The following VWA3B variants were observed in gnomAD, a reference collection of about 807,000 sequenced individuals.
VWA3B encodes the protein von Willebrand factor A domain containing 3B.
Under a neutral mutation model 158.3 loss-of-function variants are expected in VWA3B, and 138 were observed. That is an observed-to-expected ratio of 0.87 (90% CI 0.76 to 1.00). The LOEUF (loss-of-function observed/expected upper bound fraction) is 1.00, where lower values mean the gene tolerates loss of function less well. VWA3B is among the 50% of genes least tolerant of loss of function. VWA3B has a pLI of 0.00. For synonymous variants in VWA3B, 596 were observed against 587.3 expected, an observed-to-expected ratio of 1.01 and a Z score of -0.21; for missense variants, 1,555 against 1,565.1, an observed-to-expected ratio of 0.99 and a Z score of 0.11.
chr2:98,194,345 T>A lies in VWA3B; in HGVS notation c.1606-16T>A, dbSNP rs761172168. The A allele has an allele frequency of 1.2e-6, 2 of 1,611,414 alleles. No homozygotes were observed. Among genetic ancestry groups the A allele is most frequent in the Non-Finnish European group, 1.7e-6 (2 of 1,177,808 alleles). The stretch of plus-strand genomic sequence containing the variant: ...TCTGAGTGGTTTTATGGTTAAATAA[T>A]CATTGTCTCTTTTAGGAACAGCTGA... On this transcript the variant is annotated splice_polypyrimidine_tract_variant and intron_variant, in intron 11 of 27. Coordinates refer to ENST00000477737, the MANE Select transcript of VWA3B (RefSeq NM_144992.5).
intron 2 of VWA3B, among the ~76,000 whole-genome samples, chr2:98,112,462 C>T (rs1332130762): frequency 6.6e-6 from 1 of 151,686 alleles, no homozygotes; most frequent in Admixed American, 6.6e-5. Context: ...TTAAATATGT[C>T]AAGCCATTGT....
chr2:98,096,498 A>G (rs1682721217), intron 2 of VWA3B, among the ~76,000 whole-genome samples: 1 of 151,890 alleles, frequency 6.6e-6, no homozygotes, highest in Non-Finnish European at 1.5e-5. Context: ...CGAATTCCTG[A>G]CCTCAGCTGA....
chr2:98,216,970 A>G, intron 13 of VWA3B: 1 of 1,223,290 alleles, frequency 8.2e-7, no homozygotes, highest in Non-Finnish European at 1.1e-6. Context: ...TGTCATGTGT[A>G]TCATTGTAAG....
intron 12 of VWA3B, among the ~76,000 whole-genome samples, chr2:98,203,597 T>C (rs1682766140): frequency 1.3e-5 from 2 of 152,240 alleles, no homozygotes; most frequent in African/African-American, 4.8e-5. Flanking sequence ...AGGTCTTTGA[T>C]TTATTTCATC....
chr2:98,278,750 T>TG lies in VWA3B; in HGVS notation c.3045+7874dup, dbSNP rs536387074. On this transcript the variant is annotated intron_variant, in intron 22 of 27. Coordinates refer to ENST00000477737, the MANE Select transcript of VWA3B (RefSeq NM_144992.5). ...GCCTGGAGTTTTTATGGGTACAGGA[T>TG]GGGGGGGTGGTGTGGGCCAGAGTGG... Among the ~76,000 whole-genome samples, 241 of 151,850 alleles carry TG rather than the reference T, an allele frequency of 1.6e-3. 1 individual carries two copies. The highest frequency in any genetic ancestry group is 0.014 in the Middle Eastern group (4 of 294).
At chr2:98,286,167 T>C (rs1424119212) in intron 22 of VWA3B, among the ~76,000 whole-genome samples, 1 of 152,126 alleles carries the variant, frequency 6.6e-6, no homozygotes, top group African/African-American at 2.4e-5. Flanking sequence ...ATTCTAGTAG[T>C]TTTTGGGTGA....
intron 14 of VWA3B, among the ~76,000 whole-genome samples, chr2:98,220,894 C>A (rs1684435655): frequency 6.6e-6 from 1 of 152,122 alleles, no homozygotes; most frequent in Non-Finnish European, 1.5e-5. Flanking sequence ...ACCGCATGTT[C>A]TCACTTATAA....
intron 12 of VWA3B, among the ~76,000 whole-genome samples, chr2:98,210,566 A>G (rs1683425559): frequency 6.6e-6 from 1 of 152,240 alleles, no homozygotes; most frequent in African/African-American, 2.4e-5. Context: ...CTTAGGTGAG[A>G]GCAGCTGGAT....
At chr2:98,217,498 G>A (rs1014157286) in intron 13 of VWA3B, among the ~76,000 whole-genome samples, 27 of 152,150 alleles carry the variant, frequency 1.8e-4, no homozygotes, top group African/African-American at 6.5e-4. Flanking sequence ...GTTGGAAGCT[G>A]GAAATTGCTC....
chr2:98,190,941 C>T (rs1370953071), intron 10 of VWA3B, among the ~76,000 whole-genome samples: 2 of 151,434 alleles, frequency 1.3e-5, no homozygotes, highest in African/African-American at 4.8e-5. Flanking sequence ...TTTTCTGCCT[C>T]CCCCTCTCTT....
At position 98,278,242 on chromosome 2, in the gene VWA3B, G is replaced by A. The variant is rs140487751; in HGVS notation, c.3045+7359G>A. On this transcript the variant is annotated intron_variant, in intron 22 of 27. Coordinates refer to ENST00000477737, the MANE Select transcript of VWA3B (RefSeq NM_144992.5). ...CAGCCCCTCTCGGGAGAGGGAGCACGCAGGTGAGTGGGTGCAGGGGCCAAG... is the reference window on the plus strand; with the variant it reads ...CAGCCCCTCTCGGGAGAGGGAGCACACAGGTGAGTGGGTGCAGGGGCCAAG... 6.8e-3 allele frequency among the ~76,000 whole-genome samples: 1,043 copies of A among 152,292 alleles called. 10 individuals are homozygous for A. The highest frequency in any genetic ancestry group is 0.024 in the African/African-American group (989 of 41,556).
intron 12 of VWA3B, among the ~76,000 whole-genome samples, chr2:98,209,823 T>C (rs980443015): frequency 2.6e-5 from 4 of 152,370 alleles, no homozygotes. Flanking sequence ...TCGGTTATCA[T>C]GTTAGAAGAC....
chr2:98,238,363 A>G (rs1381123623), intron 19 of VWA3B, among the ~76,000 whole-genome samples: 1 of 152,216 alleles, frequency 6.6e-6, no homozygotes, highest in Non-Finnish European at 1.5e-5. Context: ...GACTTCTTCT[A>G]GAAGCAACAG....
intron 23 of VWA3B, among the ~76,000 whole-genome samples, chr2:98,292,706 T>C (rs1042681322): frequency 3.3e-5 from 5 of 152,194 alleles, no homozygotes; most frequent in African/African-American, 7.2e-5. Context: ...GGCTCACACC[T>C]GTAATCTCAG....
At chr2:98,130,424 T>C (rs1675767970) in intron 6 of VWA3B, among the ~76,000 whole-genome samples, 1 of 152,166 alleles carries the variant, frequency 6.6e-6, no homozygotes, top group South Asian at 2.1e-4. Context: ...TTTACGGGTG[T>C]TGGGCTGGGG....
At chr2:98,194,588 C>A in intron 12 of VWA3B, 96 bp downstream of exon 12, 2 of 1,448,890 alleles carry the variant, frequency 1.4e-6, no homozygotes, top group Non-Finnish European at 1.9e-6. Flanking sequence ...AGGTGTTTTG[C>A]ACTCTCAGGA....
chr2:98,144,075 T>G (rs1316558991), intron 7 of VWA3B, among the ~76,000 whole-genome samples: 1 of 152,098 alleles, frequency 6.6e-6, no homozygotes, highest in Non-Finnish European at 1.5e-5. Context: ...TAATAATGTT[T>G]ACCTTATAGG....
chr2:98,237,269 T>C (rs981684399), intron 19 of VWA3B, among the ~76,000 whole-genome samples: 1 of 152,116 alleles, frequency 6.6e-6, no homozygotes, highest in African/African-American at 2.4e-5. Flanking sequence ...CGGATAGAAG[T>C]GTGGGGCTGC....
chr2:98,157,279 A>G (rs1279866258), intron 7 of VWA3B, among the ~76,000 whole-genome samples: 1 of 152,204 alleles, frequency 6.6e-6, no homozygotes, highest in Non-Finnish European at 1.5e-5. Flanking sequence ...AGATGGTGAA[A>G]TGACTCTATA....
Sources: gnomAD v4.1 joint callset for allele counts (sites outside exome capture counted in the v4.1 genomes callset) on GRCh38, gnomAD v4.1.1 for gene constraint, MANE v1.5 for transcripts, NCBI Gene and HGNC (gene_info 2026-07-23, HGNC 2026-07-21) for gene names.